Variants in CPSF6 observed in about 807,000 individuals in gnomAD.
CPSF6 encodes cleavage and polyadenylation specific factor 6.
In CPSF6, 10 loss-of-function variants were observed where a neutral mutation model predicts 56.7. The observed-to-expected ratio is 0.18, with a 90% CI of 0.11 to 0.30. The LOEUF (loss-of-function observed/expected upper bound fraction) is 0.30. Among genes scored for constraint, CPSF6 ranks in the 10% least tolerant of loss-of-function variants. The pLI, the probability that CPSF6 is intolerant of heterozygous loss-of-function variation, is 1.00. For missense variants in CPSF6, 419 were observed against 722.9 expected (o/e 0.58, Z 4.82); for synonymous variants, 248 against 244.8 (o/e 1.01, Z -0.12).
At position 69,258,667 on chromosome 12, in the gene CPSF6, G is replaced by A. The variant is rs751414954; in HGVS notation, c.772G>A (p.Val258Ile). 14 of 1,613,844 alleles carry A rather than the reference G, an allele frequency of 8.7e-6. No individual in the cohort carries two copies. The highest frequency in any genetic ancestry group is 6.7e-5 in the Admixed American group (4 of 59,994). The change falls in exon 6 of 10, where the codon GTT becomes ATT. Residue 258 changes from valine to isoleucine, a missense_variant. Coordinates refer to ENST00000435070, the MANE Select transcript of CPSF6 (RefSeq NM_007007.3). The surrounding 1 kb of genome is among the most constrained non-coding windows in gnomAD (Gnocchi z 4.2). ...ACCAGGTCCTCCACCTCCTGGTCAG[G>A]TTCTGCCTCCTCCTCTAGCTGGGCC... is the stretch of plus-strand genomic sequence containing the variant. Reference protein sequence around the residue: ...GPPGPPPPGQVLPPPLAGPPN... With the variant: ...GPPGPPPPGQILPPPLAGPPN...
intron 3 of CPSF6, among the ~76,000 whole-genome samples, chr12:69,253,389 A>G (rs1006262755): frequency 1.3e-5 from 2 of 151,990 alleles, no homozygotes; most frequent in Admixed American, 6.6e-5. Context: ...TTTATTTTCT[A>G]TTTTTCCCAA....
chr12:69,247,033 A>G (rs1421250084), intron 1 of CPSF6, among the ~76,000 whole-genome samples: 1 of 152,206 alleles, frequency 6.6e-6, no homozygotes, highest in Admixed American at 6.5e-5. Flanking sequence ...AATGATGAAT[A>G]TTTTGACAGC....
chr12:69,265,598 C>CTT (rs56097101), intron 9 of CPSF6, among the ~76,000 whole-genome samples: 9 of 99,786 alleles, frequency 9.0e-5, no homozygotes, highest in Non-Finnish European at 1.4e-4. Flanking sequence ...TATCTGATTA[C>CTT]TTTTTTTTTT....
intron 1 of CPSF6, 143 bp downstream of exon 1, chr12:69,239,849 C>A: frequency 1.5e-6 from 1 of 652,824 alleles, no homozygotes; most frequent in Non-Finnish European, 2.1e-6. Flanking sequence ...CGACCCCTGG[C>A]GTGGCGCCCC....
chr12:69,248,280 T>G (rs1229498422), intron 1 of CPSF6, among the ~76,000 whole-genome samples: 3 of 151,866 alleles, frequency 2.0e-5, no homozygotes, highest in African/African-American at 4.8e-5. Flanking sequence ...AAGTGTAAAT[T>G]TAAAAATACA....
Position 69,256,853 on chromosome 12 carries a change from C to CTCTG in CPSF6, c.520+13_520+14insTGTC. Reference sequence around the variant, plus strand: ...TGCAGTCCAGGAAAAGTAAGCAGTCCTCAGAGGCTTTTATTAAAATATGTA... The same window carrying CTCTG: ...TGCAGTCCAGGAAAAGTAAGCAGTCCTCTGTCAGAGGCTTTTATTAAAATATGTA... On this transcript the variant is annotated intron_variant, in intron 4 of 9. Transcript: ENST00000435070. 1 of 1,586,132 alleles carries CTCTG rather than the reference C, an allele frequency of 6.3e-7. No individual in the cohort carries two copies. The highest frequency in any genetic ancestry group is 8.5e-7 in the Non-Finnish European group (1 of 1,169,932).
intron 9 of CPSF6, among the ~76,000 whole-genome samples, chr12:69,265,585 T>C (rs1396448850): frequency 1.3e-5 from 2 of 150,930 alleles, no homozygotes; most frequent in Non-Finnish European, 2.9e-5. Flanking sequence ...AACTTGCCTT[T>C]GCTATCTGAT....
At chr12:69,263,097 T>A (rs5024357) in intron 9 of CPSF6, among the ~76,000 whole-genome samples, 7 of 11,814 alleles carry the variant, frequency 5.9e-4, no homozygotes, top group South Asian at 5.6e-3. Flanking sequence ...AAAAAAAAAA[T>A]TTTTTTTTTT....
Position 69,262,454 on chromosome 12 carries a change from T to C in CPSF6, c.1551T>C (p.His517=), listed in dbSNP as rs749130325. Residue 517 remains histidine, a synonymous_variant, in exon 9 of 10, where the codon CAT becomes CAC. Coordinates refer to ENST00000435070, the MANE Select transcript of CPSF6 (RefSeq NM_007007.3). The stretch of plus-strand genomic sequence containing the variant: ...ATAAATCCCGTAGTAGAGACCGTCA[T>C]GACGATTATTACAGAGAGAGAAGCA... ...RRHKSRSRDR[H]DDYYRERSRE... 1.7e-5 allele frequency: 27 copies of C among 1,613,888 alleles called. No individual in the cohort carries two copies. The highest frequency in any genetic ancestry group is 2.7e-5 in the African/African-American group (2 of 74,894).
chr12:69,250,976 T>A lies in CPSF6; in HGVS notation c.61-153T>A, dbSNP rs182607762. ...TTCACTTTTTAGACCTGTTCAAGAA[T>A]ACATCTATTGCATAAAGTGGAAAAA... On this transcript the variant is annotated intron_variant, in intron 1 of 9. Coordinates refer to ENST00000435070, the MANE Select transcript of CPSF6 (RefSeq NM_007007.3). 108 of 293,890 alleles carry A rather than the reference T, an allele frequency of 3.7e-4. 1 individual carries two copies. The South Asian group carries it at 3.9e-3, about 11-fold the overall frequency. 18.2% of individuals were successfully genotyped at this position (293,890 alleles called of 1,614,324 possible).
chr12:69,243,491 A>G (rs560391656), intron 1 of CPSF6, among the ~76,000 whole-genome samples: 4 of 152,348 alleles, frequency 2.6e-5, no homozygotes, highest in South Asian at 4.1e-4. Flanking sequence ...CATGTAGGCT[A>G]TATGGTGTAG....
At position 69,271,362 on chromosome 12, in the gene CPSF6, T is replaced by A. The variant is rs753818420; in HGVS notation, c.*1854T>A. ...CCTAATGCGAAGAAGTATGGACATATAAATATTACAAGAGAAATTAGTTAA... is the reference window on the plus strand; with the variant it reads ...CCTAATGCGAAGAAGTATGGACATAAAAATATTACAAGAGAAATTAGTTAA... On this transcript the variant is annotated 3_prime_UTR_variant, in exon 10 of 10. Coordinates refer to ENST00000435070, the MANE Select transcript of CPSF6 (RefSeq NM_007007.3). The A allele has an allele frequency of 3.3e-5, 5 of 152,120 alleles. No individual in the cohort carries two copies. Among genetic ancestry groups the A allele is most frequent in the Non-Finnish European group, 5.9e-5 (4 of 67,672 alleles). 9.4% of individuals were successfully genotyped at this position (152,120 alleles called of 1,614,324 possible).
intron 8 of CPSF6, among the ~76,000 whole-genome samples, chr12:69,260,498 A>AT (rs1223084617): frequency 6.6e-6 from 1 of 151,554 alleles, no homozygotes; most frequent in Non-Finnish European, 1.5e-5. Context: ...ATTTCTCCAT[A>AT]TTTCTCCTTT....
At position 69,258,531 on chromosome 12, in the gene CPSF6, A is replaced by G; in HGVS notation, c.695-59A>G. On this transcript the variant is annotated intron_variant, in intron 5 of 9. Coordinates refer to ENST00000435070, the MANE Select transcript of CPSF6 (RefSeq NM_007007.3). The surrounding 1 kb of genome is among the most constrained non-coding windows in gnomAD (Gnocchi z 4.2). ...TTAAAGTATAATCTTGGCATATAAA[A>G]GTTAAAATATCTTATTAGTGAAGTG... The G allele has an allele frequency of 6.7e-7, 1 of 1,502,482 alleles. No homozygotes were observed. Among genetic ancestry groups the G allele is most frequent in the Admixed American group, 2.3e-5 (1 of 44,236 alleles). The allele number at this position is 1,502,482 out of a possible 1,614,324, so 93.1% of individuals were successfully genotyped here.
rs200119084 is a variant in CPSF6, at chr12:69,257,714, G to C, written c.521-18G>C. 8 of 1,600,160 alleles carry C rather than the reference G, an allele frequency of 5.0e-6. No individual in the cohort carries two copies. The highest frequency in any genetic ancestry group is 1.7e-6 in the Non-Finnish European group (2 of 1,175,814). ...TATTTTTAATAAGTGCTATTTATGA[G>C]TATTTGGATATTTGCAGCTACACAA... On this transcript the variant is annotated intron_variant, in intron 4 of 9. Transcript: ENST00000435070.
rs1449629037 is a variant in CPSF6 at position 69,272,292 on chromosome 12, T to G, written c.*2784T>G. 2.0e-5 allele frequency: 3 copies of G among 151,698 alleles called. No individual in the cohort carries two copies. Among genetic ancestry groups the G allele is most frequent in the Non-Finnish European group, 4.4e-5 (3 of 67,634 alleles). The allele number at this position is 151,698 out of a possible 1,614,324, so 9.4% of individuals were successfully genotyped here. A position where few individuals can be genotyped will look rare whatever the true frequency, so the allele number is the denominator to read the frequency against. On this transcript the variant is annotated 3_prime_UTR_variant, in exon 10 of 10. Transcript: ENST00000435070. ...GACAATTTGGAATACACAGATAACT[T>G]GTAGCTTAAGATACTATTTTCATTT...
chr12:69,259,633 C>T (rs1379803217), intron 7 of CPSF6, 90 bp downstream of exon 7: 65 of 1,052,232 alleles, frequency 6.2e-5, no homozygotes, highest in Non-Finnish European at 8.6e-5. Flanking sequence ...AGGTCATTTA[C>T]ATGTAGTAGT....
intron 1 of CPSF6, among the ~76,000 whole-genome samples, chr12:69,246,930 G>A (rs1001516364): frequency 3.3e-5 from 5 of 152,064 alleles, no homozygotes; most frequent in African/African-American, 1.2e-4. Flanking sequence ...TCCCAAAGTG[G>A]TGGGATTAAC....
At chr12:69,264,342 T>C (rs1427726437) in intron 9 of CPSF6, among the ~76,000 whole-genome samples, 3 of 152,108 alleles carry the variant, frequency 2.0e-5, no homozygotes, top group Non-Finnish European at 4.4e-5. Flanking sequence ...TCAAGGGGCC[T>C]CTAAACCAAT....
Sources: allele counts gnomAD v4.1 joint callset (sites outside exome capture counted in the v4.1 genomes callset), GRCh38; gene constraint gnomAD v4.1.1; non-coding constraint Gnocchi (gnomAD v3.1); transcripts MANE v1.5; gene names NCBI Gene and HGNC (gene_info 2026-07-23, HGNC 2026-07-21).